Variants in CPNE3 observed in about 807,000 individuals in gnomAD.
The protein encoded by CPNE3 is copine 3, also known as copine-3.
Under a neutral mutation model 63.9 loss-of-function variants are expected in CPNE3, and 68 were observed. The observed-to-expected ratio is 1.06, with a 90% CI of 0.87 to 1.30. CPNE3 has a LOEUF of 1.30. Ranked by LOEUF, CPNE3 falls within the 50% of genes most tolerant of loss-of-function variation. The pLI is 0.00. For missense variants in CPNE3, 665 were observed against 578.1 expected (o/e 1.15, Z -1.54); for synonymous variants, 219 against 197.5 (o/e 1.11, Z -0.91).
intron 14 of CPNE3, among the ~76,000 whole-genome samples, chr8:86,552,194 A>G (rs762983020): frequency 3.9e-5 from 6 of 152,250 alleles, no homozygotes; most frequent in Non-Finnish European, 8.8e-5. Context: ...ATAGCTTTCT[A>G]ACAGAAGAAA....
chr8:86,556,135 G>T lies in CPNE3; in HGVS notation c.1288G>T (p.Val430Leu). Reference protein sequence around the residue: ...YFVLLIITDGVITDLDETRQA... With the variant: ...YFVLLIITDGLITDLDETRQA... ...TGTGCTTTTGATTATTACTGATGGTGTGATCACAGACCTTGATGAAACCAG... is the reference window on the plus strand; with the variant it reads ...TGTGCTTTTGATTATTACTGATGGTTTGATCACAGACCTTGATGAAACCAG... The change falls in exon 16 of 17, where the codon GTG becomes TTG. Residue 430 changes from valine (V) to leucine (L), a missense_variant. Coordinates refer to ENST00000517490, the MANE Select transcript of CPNE3 (RefSeq NM_003909.5). The T allele has an allele frequency of 1.1e-6, 1 of 873,006 alleles. No homozygotes were observed. The highest frequency in any genetic ancestry group is 2.0e-6 in the Non-Finnish European group (1 of 501,680). 54.1% of individuals were successfully genotyped at this position (873,006 alleles called of 1,614,324 possible). A position where few individuals can be genotyped will look rare whatever the true frequency, so the allele number is the denominator to read the frequency against.
chr8:86,526,777 G>T (rs1385128729), intron 2 of CPNE3, among the ~76,000 whole-genome samples: 1 of 152,184 alleles, frequency 6.6e-6, no homozygotes, highest in African/African-American at 2.4e-5. Context: ...CTCCCAAAGT[G>T]CTGGGAGTAC....
intron 2 of CPNE3, among the ~76,000 whole-genome samples, chr8:86,519,777 G>A (rs570647526): frequency 1.2e-3 from 179 of 152,248 alleles, no homozygotes; most frequent in African/African-American, 3.9e-3. Context: ...GCAATGGCAC[G>A]ATCTTGGCTC....
At chr8:86,517,016 G>T (rs900277087) in intron 2 of CPNE3, among the ~76,000 whole-genome samples, 1 of 152,152 alleles carries the variant, frequency 6.6e-6, no homozygotes, top group Admixed American at 6.5e-5. Context: ...TGACCTGCAG[G>T]AGTCCTAACT....
intron 2 of CPNE3, among the ~76,000 whole-genome samples, chr8:86,520,103 C>T (rs1311319947): frequency 7.1e-6 from 1 of 141,654 alleles, no homozygotes; most frequent in Non-Finnish European, 1.6e-5. Context: ...TATAAATATT[C>T]TAATGTTTTC....
At chr8:86,517,454 C>T (rs185276880) in intron 2 of CPNE3, among the ~76,000 whole-genome samples, 21 of 152,208 alleles carry the variant, frequency 1.4e-4, no homozygotes, top group Admixed American at 1.2e-3. Context: ...TAGTTTACCA[C>T]GCCTTTAGAC....
In CPNE3 at chr8:86,556,879, TATC is replaced by T. The variant is rs1242093259; in HGVS notation, c.1491+544_1491+546del. ...AATATAGTCTTCATTTCTATAATCT[TATC>T]ATTTCAAGAATATCATATAAATGGA... On this transcript the variant is annotated intron_variant, in intron 16 of 16. Coordinates refer to ENST00000517490, the MANE Select transcript of CPNE3 (RefSeq NM_003909.5). 2.0e-5 allele frequency among the ~76,000 whole-genome samples: 3 copies of T among 152,332 alleles called. No homozygotes were observed. The South Asian group carries it at 6.2e-4, about 32-fold the overall frequency.
chr8:86,552,273 C>T (rs909726264), intron 14 of CPNE3, among the ~76,000 whole-genome samples: 4 of 152,118 alleles, frequency 2.6e-5, no homozygotes, highest in African/African-American at 4.8e-5. Flanking sequence ...TTGTGGCGGC[C>T]GTTTGCAATA....
At chr8:86,549,881 C>T (rs991161737) in intron 12 of CPNE3, among the ~76,000 whole-genome samples, 1 of 152,188 alleles carries the variant, frequency 6.6e-6, no homozygotes, top group Admixed American at 6.5e-5. Flanking sequence ...ACTCACATCT[C>T]CATCTCTAGA....
rs1821397150 is a variant in CPNE3 at position 86,559,724 on chromosome 8, TC to T, written c.*1316del. The T allele has an allele frequency of 6.6e-6, 1 of 152,176 alleles. No individual in the cohort carries two copies. Among genetic ancestry groups the T allele is most frequent in the Non-Finnish European group, 1.5e-5 (1 of 68,022 alleles). The allele number at this position is 152,176 out of a possible 1,614,324, so 9.4% of individuals were successfully genotyped here. ...GTGAACATTACATTTTCAGAATAGA[TC>T]CTAATATTTTATTGAGGGCCTATGT... On this transcript the variant is annotated 3_prime_UTR_variant, in exon 17 of 17. Coordinates refer to ENST00000517490, the MANE Select transcript of CPNE3 (RefSeq NM_003909.5).
Position 86,528,650 on chromosome 8 carries a change from G to T in CPNE3, c.105G>T (p.Leu35Phe). ...CAGACCCTTTATGTGTGTTGTTTTTGAATACAAGTGGTCAACAGTGGTATG... is the reference window on the plus strand; with the variant it reads ...CAGACCCTTTATGTGTGTTGTTTTTTAATACAAGTGGTCAACAGTGGTATG... Reference protein sequence around the residue: ...SKSDPLCVLFLNTSGQQWYEV... With the variant: ...SKSDPLCVLFFNTSGQQWYEV... Residue 35 changes from leucine to phenylalanine, a missense_variant, in exon 3 of 17, where the codon TTG (leucine) becomes TTT (phenylalanine). Transcript: ENST00000517490. 1 of 1,613,246 alleles carries T rather than the reference G, an allele frequency of 6.2e-7. No individual in the cohort carries two copies. Among genetic ancestry groups the T allele is most frequent in the Non-Finnish European group, 8.5e-7 (1 of 1,179,764 alleles).
At chr8:86,551,808 A>G (rs1821185160) in intron 14 of CPNE3, among the ~76,000 whole-genome samples, 3 of 152,124 alleles carry the variant, frequency 2.0e-5, no homozygotes, top group African/African-American at 4.8e-5. Context: ...TTTGTCTTTC[A>G]TTTCACTTTT....
chr8:86,515,898 T>C (rs1205920890), intron 2 of CPNE3, among the ~76,000 whole-genome samples: 1 of 151,890 alleles, frequency 6.6e-6, no homozygotes, highest in Non-Finnish European at 1.5e-5. Flanking sequence ...GCCTAGAACA[T>C]AGGTAGAGGG....
chr8:86,528,570 G>T lies in CPNE3; in HGVS notation c.25G>T (p.Val9Leu). The T allele has an allele frequency of 1.2e-6, 2 of 1,614,016 alleles. No individual in the cohort carries two copies. The highest frequency in any genetic ancestry group is 1.7e-6 in the Non-Finnish European group (2 of 1,179,984). The stretch of plus-strand genomic sequence containing the variant: ...CATGGCTGCCCAGTGTGTCACAAAG[G>T]TGGCGCTGAATGTTTCCTGTGCCAA... MAAQCVTK[V>L]ALNVSCANLL... Residue 9 changes from valine (V) to leucine (L), a missense_variant, in exon 3 of 17, where the codon GTG becomes TTG. By Grantham distance (32) the Val-to-Leu change is conservative (BLOSUM62 1). Coordinates refer to ENST00000517490, the MANE Select transcript of CPNE3 (RefSeq NM_003909.5).
In CPNE3 at chr8:86,554,651, A is replaced by G. The variant is rs575832924; in HGVS notation, c.1121-200A>G. ...AGTAAATCCCTTCTATTGGGGGAGG[A>G]CAGAGCTTATAGGTTTTTGCAATGG... On this transcript the variant is annotated intron_variant, in intron 14 of 16. Coordinates refer to ENST00000517490, the MANE Select transcript of CPNE3 (RefSeq NM_003909.5). Among the ~76,000 whole-genome samples, 55 of 152,290 alleles carry G rather than the reference A, an allele frequency of 3.6e-4. No individual in the cohort carries two copies. The South Asian group carries it at 4.6e-3, about 13-fold the overall frequency.
At chr8:86,554,104 G>A (rs757605465) in intron 14 of CPNE3, 1 of 152,212 alleles carries the variant, frequency 6.6e-6, no homozygotes, top group African/African-American at 2.4e-5. Flanking sequence ...CTGCTCCTAC[G>A]GCAGAGGAAA....
chr8:86,553,829 C>G (rs1821249540), intron 14 of CPNE3: 2 of 146,164 alleles, frequency 1.4e-5, no homozygotes, highest in Admixed American at 6.9e-5. Flanking sequence ...TTTCTGTTAT[C>G]CTGTCTGCAT....
chr8:86,541,409 A>G (rs1205365219), intron 8 of CPNE3, among the ~76,000 whole-genome samples: 1 of 152,050 alleles, frequency 6.6e-6, no homozygotes, highest in Non-Finnish European at 1.5e-5. Flanking sequence ...TTACTGAAAA[A>G]CTGCTTCATT....
intron 2 of CPNE3, among the ~76,000 whole-genome samples, chr8:86,519,321 A>T (rs1446294727): frequency 6.6e-6 from 1 of 152,242 alleles, no homozygotes; most frequent in Non-Finnish European, 1.5e-5. Flanking sequence ...CTTTGTAATG[A>T]TAAAGAGAAG....
Sources: allele counts gnomAD v4.1 joint callset (sites outside exome capture counted in the v4.1 genomes callset), GRCh38; gene constraint gnomAD v4.1.1; transcripts MANE v1.5; gene names NCBI Gene and HGNC (gene_info 2026-07-23, HGNC 2026-07-21).